MACROD2: variants seen among roughly 807,000 people sequenced by gnomAD.
MACROD2 encodes mono-ADP ribosylhydrolase 2, also known as ADP-ribose glycohydrolase MACROD2.
A neutral mutation model predicts 70.4 loss-of-function variants in MACROD2; 36 were observed. The observed-to-expected ratio is 0.51, with a 90% confidence interval of 0.39 to 0.68. The LOEUF is 0.68. MACROD2 is among the 30% of genes least tolerant of loss of function. The pLI, the probability that MACROD2 is intolerant of heterozygous loss-of-function variation, is 0.00. For missense variants in MACROD2, 496 were observed against 538.4 expected (o/e 0.92, Z 0.78); for synonymous variants, 172 against 178.8 (o/e 0.96, Z 0.30).
At chr20:15,754,838 C>T (rs181743554) in intron 8 of MACROD2, among the ~76,000 whole-genome samples, 9 of 150,852 alleles carry the variant, frequency 6.0e-5, no homozygotes, top group African/African-American at 2.2e-4. Context: ...ATTGTTGGGC[C>T]CAAGATGGGG....
At chr20:15,226,500 A>G (rs2076907731) in intron 5 of MACROD2, among the ~76,000 whole-genome samples, 1 of 152,252 alleles carries the variant, frequency 6.6e-6, no homozygotes, top group Non-Finnish European at 1.5e-5. Context: ...TATATTACAT[A>G]TATATGTCCA....
chr20:14,129,885 C>T (rs1398122047), intron 3 of MACROD2, among the ~76,000 whole-genome samples: 1 of 152,114 alleles, frequency 6.6e-6, no homozygotes. Flanking sequence ...AATGTCATTG[C>T]ACATTTAATA....
chr20:15,692,467 A>C (rs2050310380), intron 8 of MACROD2, among the ~76,000 whole-genome samples: 1 of 152,128 alleles, frequency 6.6e-6, no homozygotes, highest in South Asian at 2.1e-4. Flanking sequence ...AAGCAGGGTG[A>C]CAGCAGAACT....
At chr20:15,498,773 C>G (rs1382951272) in intron 7 of MACROD2, among the ~76,000 whole-genome samples, 2 of 152,050 alleles carry the variant, frequency 1.3e-5, no homozygotes, top group Non-Finnish European at 2.9e-5. Flanking sequence ...TGGTACAAAC[C>G]ACTGAATTGT....
chr20:15,345,876 C>A (rs2078160223), intron 6 of MACROD2, among the ~76,000 whole-genome samples: 1 of 152,096 alleles, frequency 6.6e-6, no homozygotes, highest in Non-Finnish European at 1.5e-5. Flanking sequence ...ATCCAGAAAC[C>A]AGACTGTTCC....
chr20:14,178,072 G>GTTTT (rs1490779316), intron 3 of MACROD2, among the ~76,000 whole-genome samples: 7 of 152,084 alleles, frequency 4.6e-5, no homozygotes, highest in African/African-American at 1.7e-4. Flanking sequence ...AACTGACAAA[G>GTTTT]TGCAAGGAAA....
At chr20:15,697,043 C>A (rs1391914976) in intron 8 of MACROD2, among the ~76,000 whole-genome samples, 1 of 151,616 alleles carries the variant, frequency 6.6e-6, no homozygotes, top group Non-Finnish European at 1.5e-5. Context: ...CTTTTTTGTT[C>A]CAATTTCATT....
chr20:14,475,874 A>G (rs1344044907), intron 3 of MACROD2, among the ~76,000 whole-genome samples: 2 of 151,910 alleles, frequency 1.3e-5, no homozygotes, highest in African/African-American at 4.8e-5. Context: ...AAGACCTTTC[A>G]GAGTCTTGGG....
intron 5 of MACROD2, among the ~76,000 whole-genome samples, chr20:14,710,252 C>T (rs1483971944): frequency 4.0e-5 from 6 of 151,872 alleles, no homozygotes; most frequent in African/African-American, 1.4e-4. Context: ...AACAGGGAAA[C>T]ACAGGATGTA....
At chr20:14,464,355 G>A (rs1172680213) in intron 3 of MACROD2, among the ~76,000 whole-genome samples, 4 of 152,106 alleles carry the variant, frequency 2.6e-5, no homozygotes, top group Admixed American at 1.3e-4. Context: ...ATTGTAGTTT[G>A]TATTTCTGTG....
chr20:14,773,922 C>A (rs6042913), intron 5 of MACROD2, among the ~76,000 whole-genome samples: 12,921 of 152,084 alleles, frequency 0.085, 777 homozygotes, highest in African/African-American at 0.16. Context: ...TTTTTTAAAA[C>A]TATGAGTCAG....
intron 3 of MACROD2, among the ~76,000 whole-genome samples, chr20:14,402,133 T>C (rs1265649828): frequency 6.6e-6 from 1 of 152,200 alleles, no homozygotes; most frequent in African/African-American, 2.4e-5. Context: ...TGTATGTGCA[T>C]GGGTATATAT....
chr20:15,390,447 C>G (rs892770042), intron 6 of MACROD2, among the ~76,000 whole-genome samples: 1 of 152,070 alleles, frequency 6.6e-6, no homozygotes, highest in Non-Finnish European at 1.5e-5. Context: ...TTTCTCTCAC[C>G]ACTAGAATCT....
chr20:14,362,249 C>A (rs1477494663), intron 3 of MACROD2, among the ~76,000 whole-genome samples: 1 of 152,188 alleles, frequency 6.6e-6, no homozygotes, highest in African/African-American at 2.4e-5. Context: ...TTGATACCAA[C>A]CAAGTGAGAC....
chr20:15,633,924 G>T (rs560203873), intron 8 of MACROD2, among the ~76,000 whole-genome samples: 91 of 152,240 alleles, frequency 6.0e-4, no homozygotes, highest in Admixed American at 1.2e-3. Context: ...AAGTGATACT[G>T]CTCCTGTCAA....
intron 5 of MACROD2, among the ~76,000 whole-genome samples, chr20:15,039,350 C>A (rs912978778): frequency 6.6e-6 from 1 of 152,094 alleles, no homozygotes; most frequent in Non-Finnish European, 1.5e-5. Context: ...ATGACCTGAT[C>A]TTAGGGGAGG....
At chr20:14,652,906 G>A (rs185304247) in intron 4 of MACROD2, among the ~76,000 whole-genome samples, 267 of 152,268 alleles carry the variant, frequency 1.8e-3, no homozygotes, top group African/African-American at 6.1e-3. Flanking sequence ...TGCACTCTAT[G>A]TTCATTTCTT....
At chr20:15,191,942 A>AGAGAGC in intron 5 of MACROD2, among the ~76,000 whole-genome samples, 1 of 143,166 alleles carries the variant, frequency 7.0e-6, no homozygotes, top group Non-Finnish European at 1.5e-5. Context: ...AGAGAGAGAG[A>AGAGAGC]GAGTTAATAC....
intron 15 of MACROD2, among the ~76,000 whole-genome samples, chr20:16,010,212 G>A (rs977829013): frequency 6.6e-6 from 1 of 152,192 alleles, no homozygotes; most frequent in African/African-American, 2.4e-5. Flanking sequence ...AGTTGGGCTA[G>A]TGGCGCATGT....
Sources: gnomAD v4.1 joint callset for allele counts (sites outside exome capture counted in the v4.1 genomes callset) on GRCh38, gnomAD v4.1.1 for gene constraint, MANE v1.5 for transcripts, NCBI Gene and HGNC (gene_info 2026-07-23, HGNC 2026-07-21) for gene names.